Variants in DLG2 observed in about 807,000 individuals in gnomAD.
DLG2 encodes discs large MAGUK scaffold protein 2, also known as disks large homolog 2.
In DLG2, 45 loss-of-function variants were observed where a neutral mutation model predicts 132.5. That is an observed-to-expected ratio of 0.34 (90% CI 0.27 to 0.44). DLG2 has a LOEUF of 0.44. Among genes scored for constraint, DLG2 ranks in the 20% least tolerant of loss-of-function variants. The pLI is 1.00. For missense variants in DLG2, 1,045 were observed against 1,196.9 expected (o/e 0.87, Z 1.87); for synonymous variants, 424 against 419.6 (o/e 1.01, Z -0.13).
intron 4 of DLG2, among the ~76,000 whole-genome samples, chr11:85,157,878 C>G (rs1276560713): frequency 6.6e-6 from 1 of 152,082 alleles, no homozygotes; most frequent in East Asian, 1.9e-4. Flanking sequence ...AGAAACAGCT[C>G]CCCCATTCCC....
At chr11:85,476,563 A>G (rs1565550630) in intron 3 of DLG2, among the ~76,000 whole-genome samples, 1 of 152,174 alleles carries the variant, frequency 6.6e-6, no homozygotes, top group African/African-American at 2.4e-5. Flanking sequence ...AGAGCAATAC[A>G]AAAATCTTTT....
intron 11 of DLG2, among the ~76,000 whole-genome samples, chr11:83,991,011 G>A (rs1189720285): frequency 6.6e-6 from 1 of 152,038 alleles, no homozygotes; most frequent in African/African-American, 2.4e-5. Flanking sequence ...TTCCCTGTAG[G>A]AACTGGTCTA....
intron 6 of DLG2, among the ~76,000 whole-genome samples, chr11:84,699,823 T>C (rs1224684235): frequency 6.6e-6 from 1 of 151,750 alleles, no homozygotes; most frequent in Admixed American, 6.6e-5. Context: ...GCTTCCAGAA[T>C]TCAAGAAGGC....
At chr11:85,529,492 C>A (rs1238717323) in intron 3 of DLG2, among the ~76,000 whole-genome samples, 1 of 152,068 alleles carries the variant, frequency 6.6e-6, no homozygotes, top group Non-Finnish European at 1.5e-5. Flanking sequence ...CCTATGGCAT[C>A]TAGTAGTCAT....
chr11:84,370,060 T>C (rs1227733514), intron 7 of DLG2, among the ~76,000 whole-genome samples: 6 of 152,160 alleles, frequency 3.9e-5, no homozygotes, highest in Admixed American at 2.6e-4. Context: ...AGAGGGTATT[T>C]ACCTCTTCTT....
At position 84,877,611 on chromosome 11, in the gene DLG2, C is replaced by T. The variant is rs192958706; in HGVS notation, c.357+234050G>A. ...GTGTGTCTTTGCACATGAGATGGGTCTCCTGAATACAGCACACTGATGGGT... is the reference window on the plus strand; with the variant it reads ...GTGTGTCTTTGCACATGAGATGGGTTTCCTGAATACAGCACACTGATGGGT... On this transcript the variant is annotated intron_variant, in intron 6 of 27. Transcript: ENST00000376104. Among the ~76,000 whole-genome samples, 4 of 138,126 alleles carry T rather than the reference C, an allele frequency of 2.9e-5. No homozygotes were observed. The East Asian group carries it at 9.4e-4, about 32-fold the overall frequency. 90.6% of individuals were successfully genotyped at this position (138,126 alleles called of 152,430 possible).
At chr11:85,118,486 A>G (rs2073932543) in intron 5 of DLG2, among the ~76,000 whole-genome samples, 1 of 152,108 alleles carries the variant, frequency 6.6e-6, no homozygotes, top group East Asian at 1.9e-4. Context: ...AATGAGTGGA[A>G]TAGGCTCTGA....
intron 7 of DLG2, among the ~76,000 whole-genome samples, chr11:84,495,431 C>A (rs2154499810): frequency 6.6e-6 from 1 of 152,234 alleles, no homozygotes; most frequent in African/African-American, 2.4e-5. Flanking sequence ...TATTTTCCTT[C>A]AAGACATTCA....
At chr11:85,053,968 C>A (rs2063176649) in intron 6 of DLG2, among the ~76,000 whole-genome samples, 1 of 151,556 alleles carries the variant, frequency 6.6e-6, no homozygotes, top group African/African-American at 2.4e-5. Flanking sequence ...CAGTAATCAT[C>A]AGAGAAATGC....
At chr11:84,463,399 C>A (rs530734583) in intron 7 of DLG2, among the ~76,000 whole-genome samples, 1 of 151,024 alleles carries the variant, frequency 6.6e-6, no homozygotes, top group African/African-American at 2.4e-5. Flanking sequence ...GAAAGTGATG[C>A]TATCTCAAGA....
chr11:84,110,635 T>A (rs570988131), intron 9 of DLG2, among the ~76,000 whole-genome samples: 2 of 152,296 alleles, frequency 1.3e-5, no homozygotes, highest in Admixed American at 6.5e-5. Context: ...GGAAGTATCC[T>A]TCATTGCTTT....
intron 18 of DLG2, among the ~76,000 whole-genome samples, chr11:83,636,450 G>A (rs572167841): frequency 3.3e-5 from 5 of 152,124 alleles, no homozygotes; most frequent in African/African-American, 1.2e-4. Context: ...TCATTTTTAT[G>A]TTTTTGCAAT....
intron 9 of DLG2, among the ~76,000 whole-genome samples, chr11:84,114,928 C>G (rs555026876): frequency 1.5e-4 from 23 of 151,912 alleles, no homozygotes; most frequent in Admixed American, 1.3e-3. Flanking sequence ...CCTCAGCTTC[C>G]TAAAATACTG....
chr11:83,492,799 T>A (rs2093932086), intron 21 of DLG2, among the ~76,000 whole-genome samples: 1 of 152,086 alleles, frequency 6.6e-6, no homozygotes, highest in South Asian at 2.1e-4. Flanking sequence ...CCACCACTAC[T>A]ACCCCAGTCC....
chr11:84,861,650 A>AAAC (rs1344450913), intron 6 of DLG2, among the ~76,000 whole-genome samples: 1 of 145,856 alleles, frequency 6.9e-6, no homozygotes, highest in Non-Finnish European at 1.5e-5. Context: ...CAAAAAAAAA[A>AAAC]ACCTATCAGA....
At chr11:85,453,647 A>G (rs1488005567) in intron 3 of DLG2, 1 of 152,848 alleles carries the variant, frequency 6.5e-6, no homozygotes, top group East Asian at 1.9e-4. Context: ...TAATGCATCA[A>G]GCTCTCCAAG....
chr11:84,157,903 G>C (rs1404222029), intron 9 of DLG2, among the ~76,000 whole-genome samples: 1 of 152,134 alleles, frequency 6.6e-6, no homozygotes, highest in Non-Finnish European at 1.5e-5. Context: ...TCGTCAACTT[G>C]TTTACAAATT....
chr11:83,616,136 C>G (rs371683413), intron 19 of DLG2, among the ~76,000 whole-genome samples: 1 of 151,940 alleles, frequency 6.6e-6, no homozygotes, highest in Non-Finnish European at 1.5e-5. Flanking sequence ...ATTTATTTAC[C>G]TATTCTATTG....
At chr11:83,647,901 C>A (rs374500912) in intron 18 of DLG2, 7 of 152,160 alleles carry the variant, frequency 4.6e-5, no homozygotes, top group Admixed American at 4.6e-4. Flanking sequence ...ATGGACCCAG[C>A]TCTGTCATCA....
Sources: allele counts gnomAD v4.1 joint callset (sites outside exome capture counted in the v4.1 genomes callset), GRCh38; gene constraint gnomAD v4.1.1; transcripts MANE v1.5; gene names NCBI Gene and HGNC (gene_info 2026-07-23, HGNC 2026-07-21).